SNTG2: variants seen among roughly 807,000 people sequenced by gnomAD.
SNTG2 encodes syntrophin gamma 2, also known as gamma-2-syntrophin.
In SNTG2, 74 loss-of-function variants were observed where a neutral mutation model predicts 70.9. That is an observed-to-expected ratio of 1.04 (90% CI 0.86 to 1.27). The LOEUF is 1.27. Among genes scored for constraint, SNTG2 ranks in the 50% most tolerant of loss-of-function variants. The pLI, the probability that SNTG2 is intolerant of heterozygous loss-of-function variation, is 0.00. For synonymous variants in SNTG2, 278 were observed against 273.8 expected (o/e 1.02, Z -0.15); for missense variants, 717 against 690.7 (o/e 1.04, Z -0.43).
chr2:1,084,176 G>A (rs1374409354), intron 2 of SNTG2, among the ~76,000 whole-genome samples: 1 of 152,168 alleles, frequency 6.6e-6, no homozygotes, highest in Non-Finnish European at 1.5e-5. Context: ...CTTTCTGGGG[G>A]CACAGGCTTA....
intron 11 of SNTG2, among the ~76,000 whole-genome samples, chr2:1,244,445 C>T (rs903701741): frequency 6.6e-6 from 1 of 152,050 alleles, no homozygotes; most frequent in African/African-American, 2.4e-5. Context: ...GCCTGTAATC[C>T]CAGCACTTTG....
intron 8 of SNTG2, among the ~76,000 whole-genome samples, chr2:1,204,966 G>C (rs57584036): frequency 0.05 from 7,615 of 152,112 alleles, 297 homozygotes; most frequent in East Asian, 0.21. Flanking sequence ...TTATTTTCTT[G>C]TATGTCTTTA....
chr2:1,348,129 T>A (rs576830236), intron 16 of SNTG2, among the ~76,000 whole-genome samples: 1 of 152,326 alleles, frequency 6.6e-6, no homozygotes, highest in Non-Finnish European at 1.5e-5. Context: ...TAGGTTGACA[T>A]TCCTATGGCA....
chr2:1,102,883 C>T (rs1367285268), intron 4 of SNTG2, among the ~76,000 whole-genome samples: 1 of 152,226 alleles, frequency 6.6e-6, no homozygotes, highest in Admixed American at 6.5e-5. Context: ...CAGCCCAGCT[C>T]AGCTCACTCG....
chr2:1,347,048 G>A (rs947022034), intron 16 of SNTG2, among the ~76,000 whole-genome samples: 3 of 149,712 alleles, frequency 2.0e-5, no homozygotes, highest in African/African-American at 7.4e-5. Context: ...GGTTTGTAGG[G>A]CACAACTCCC....
intron 1 of SNTG2, among the ~76,000 whole-genome samples, chr2:1,063,921 A>G (rs975933163): frequency 6.6e-6 from 1 of 152,250 alleles, no homozygotes; most frequent in Non-Finnish European, 1.5e-5. Flanking sequence ...TTATCAGTAC[A>G]TGTCCTGAAA....
intron 9 of SNTG2, among the ~76,000 whole-genome samples, chr2:1,231,725 C>CCAGCAGG (rs1297939576): frequency 6.6e-6 from 1 of 152,168 alleles, no homozygotes; most frequent in African/African-American, 2.4e-5. Context: ...GTCAGTCCTA[C>CCAGCAGG]CAGCAGGCAG....
intron 16 of SNTG2, among the ~76,000 whole-genome samples, chr2:1,319,187 C>G (rs1016168316): frequency 6.6e-6 from 1 of 152,204 alleles, no homozygotes; most frequent in Non-Finnish European, 1.5e-5. Context: ...TCAGGTGGGA[C>G]ACAGGCTTTG....
chr2:1,215,560 T>C (rs1247405978), intron 9 of SNTG2, among the ~76,000 whole-genome samples: 18 of 146,302 alleles, frequency 1.2e-4, no homozygotes, highest in African/African-American at 4.3e-4. Context: ...CTTTTTTTTC[T>C]TTTTTTTATT....
chr2:976,689 T>G (rs1292350647), intron 1 of SNTG2, among the ~76,000 whole-genome samples: 1 of 152,194 alleles, frequency 6.6e-6, no homozygotes, highest in Non-Finnish European at 1.5e-5. Context: ...ATGTCATCCC[T>G]ACACATTTAC....
intron 11 of SNTG2, among the ~76,000 whole-genome samples, chr2:1,245,156 G>A (rs1394019051): frequency 1.3e-5 from 2 of 148,844 alleles, no homozygotes; most frequent in African/African-American, 5.0e-5. Context: ...AGCATTGGGA[G>A]ATATACCTAA....
At chr2:1,132,414 A>G (rs550588257) in intron 4 of SNTG2, among the ~76,000 whole-genome samples, 3 of 152,318 alleles carry the variant, frequency 2.0e-5, no homozygotes, top group East Asian at 3.9e-4. Flanking sequence ...TGCAGAAGGT[A>G]TGACTTCAGA....
intron 9 of SNTG2, among the ~76,000 whole-genome samples, chr2:1,224,413 C>T (rs758651716): frequency 1.3e-5 from 2 of 152,178 alleles, no homozygotes; most frequent in African/African-American, 4.8e-5. Flanking sequence ...TGCCACCTGA[C>T]CCTTGACCTT....
chr2:1,352,923 G>A lies in SNTG2; in HGVS notation c.1489-14420G>A, dbSNP rs1043876243. Among the ~76,000 whole-genome samples, 11 of 152,142 alleles carry A rather than the reference G, an allele frequency of 7.2e-5. No individual in the cohort carries two copies. In the East Asian group the frequency reaches 9.7e-4, roughly 13 times the overall value. ...GTCTGCTGGGTATTGATGTTGTACC[G>A]GAAACCTTACCATTCTCATCAGCCA... On this transcript the variant is annotated intron_variant, in intron 16 of 16. Transcript: ENST00000308624.
At chr2:1,010,176 G>A (rs1309413845) in intron 1 of SNTG2, among the ~76,000 whole-genome samples, 1 of 152,102 alleles carries the variant, frequency 6.6e-6, no homozygotes, top group Non-Finnish European at 1.5e-5. Flanking sequence ...TGTCCACGGG[G>A]TGAGTTGAAT....
At chr2:1,000,260 A>C (rs1030215817) in intron 1 of SNTG2, among the ~76,000 whole-genome samples, 4 of 151,962 alleles carry the variant, frequency 2.6e-5, no homozygotes, top group East Asian at 1.9e-4. Context: ...CAAAGCTAAC[A>C]GAAGAAAATA....
chr2:1,364,556 A>G (rs1313706981), intron 16 of SNTG2, among the ~76,000 whole-genome samples: 1 of 150,628 alleles, frequency 6.6e-6, no homozygotes, highest in African/African-American at 2.4e-5. Context: ...GGAAATCGAG[A>G]CCATCCTGGC....
At chr2:1,193,994 G>A (rs1672752980) in intron 8 of SNTG2, among the ~76,000 whole-genome samples, 1 of 152,232 alleles carries the variant, frequency 6.6e-6, no homozygotes, top group Admixed American at 6.5e-5. Flanking sequence ...CAGCCAGTCT[G>A]TCTCCCATCC....
chr2:1,244,233 G>A (rs1677253742), intron 11 of SNTG2, among the ~76,000 whole-genome samples: 1 of 152,246 alleles, frequency 6.6e-6, no homozygotes, highest in African/African-American at 2.4e-5. Context: ...GGGACCTGCA[G>A]AAGGGGATGT....
Sources: allele counts gnomAD v4.1 joint callset (sites outside exome capture counted in the v4.1 genomes callset), GRCh38; gene constraint gnomAD v4.1.1; transcripts MANE v1.5; gene names NCBI Gene and HGNC (gene_info 2026-07-23, HGNC 2026-07-21).